The following DIAPH3 variants were observed in gnomAD, a reference collection of about 807,000 sequenced individuals.
The protein encoded by DIAPH3 is diaphanous related formin 3.
Under a neutral mutation model 144.3 loss-of-function variants are expected in DIAPH3, and 117 were observed. That is an observed-to-expected ratio of 0.81 (90% confidence interval 0.70 to 0.95). The LOEUF (loss-of-function observed/expected upper bound fraction) is 0.95. Ranked by LOEUF, DIAPH3 falls within the 40% of genes least tolerant of loss-of-function variation. DIAPH3 has a pLI of 0.00. For missense variants in DIAPH3, 1,421 were observed against 1,412.7 expected (o/e 1.01, Z -0.09); for synonymous variants, 519 against 488.9 (o/e 1.06, Z -0.81).
intron 14 of DIAPH3, among the ~76,000 whole-genome samples, chr13:59,978,623 C>T (rs562207746): frequency 1.3e-5 from 2 of 151,726 alleles, no homozygotes; most frequent in African/African-American, 4.8e-5. Flanking sequence ...TCCACATCCT[C>T]GCCTATAAAA....
chr13:59,725,840 A>G (rs1391963825), intron 27 of DIAPH3, among the ~76,000 whole-genome samples: 7 of 152,232 alleles, frequency 4.6e-5, no homozygotes, highest in African/African-American at 1.7e-4. Context: ...AATTATTGCT[A>G]GAACACGAAT....
intron 24 of DIAPH3, among the ~76,000 whole-genome samples, chr13:59,826,215 C>G (rs1052455855): frequency 7.1e-6 from 1 of 140,804 alleles, no homozygotes; most frequent in Admixed American, 7.4e-5. Flanking sequence ...AAAGGGTATT[C>G]AATTAGGAAA....
At chr13:59,684,796 T>C (rs886848751) in intron 27 of DIAPH3, among the ~76,000 whole-genome samples, 12 of 152,294 alleles carry the variant, frequency 7.9e-5, no homozygotes, top group African/African-American at 2.9e-4. Flanking sequence ...GAAAGAACTT[T>C]CATTTCTAAG....
At chr13:59,918,950 A>C (rs763775743) in intron 18 of DIAPH3, among the ~76,000 whole-genome samples, 2,274 of 151,818 alleles carry the variant, frequency 0.015, 34 homozygotes, top group Middle Eastern at 0.027. Flanking sequence ...AATACAAAAA[A>C]AAAAAAAAAA....
intron 25 of DIAPH3, among the ~76,000 whole-genome samples, chr13:59,779,095 C>A (rs544551718): frequency 6.6e-6 from 1 of 152,302 alleles, no homozygotes; most frequent in Non-Finnish European, 1.5e-5. Flanking sequence ...TACAAACATT[C>A]TTTCTCTCGT....
At chr13:59,784,585 C>G (rs1266915478) in intron 25 of DIAPH3, among the ~76,000 whole-genome samples, 2 of 151,094 alleles carry the variant, frequency 1.3e-5, no homozygotes, top group African/African-American at 4.9e-5. Context: ...CCACGTTGCC[C>G]AGGCTGGTCT....
intron 17 of DIAPH3, among the ~76,000 whole-genome samples, chr13:59,935,361 G>C (rs2048215158): frequency 6.6e-6 from 1 of 152,102 alleles, no homozygotes; most frequent in African/African-American, 2.4e-5. Flanking sequence ...CTTTGCTTTG[G>C]ATAGGGTTCA....
At chr13:59,847,804 T>C (rs1055211223) in intron 22 of DIAPH3, among the ~76,000 whole-genome samples, 3 of 152,148 alleles carry the variant, frequency 2.0e-5, no homozygotes, top group African/African-American at 4.8e-5. Flanking sequence ...AATTCCAAGA[T>C]TGTGTATTAG....
At chr13:59,763,293 T>G (rs1335352641) in intron 27 of DIAPH3, among the ~76,000 whole-genome samples, 3 of 130,972 alleles carry the variant, frequency 2.3e-5, no homozygotes, top group Non-Finnish European at 4.9e-5. Context: ...TATTCACATA[T>G]ATGTATATAC....
intron 3 of DIAPH3, among the ~76,000 whole-genome samples, chr13:60,099,538 G>A (rs759844053): frequency 6.6e-5 from 10 of 152,096 alleles, no homozygotes; most frequent in Non-Finnish European, 1.2e-4. Context: ...GTGTCAAACT[G>A]CATATAGCTA....
At chr13:59,925,580 G>C (rs764466248) in intron 17 of DIAPH3, among the ~76,000 whole-genome samples, 2 of 152,120 alleles carry the variant, frequency 1.3e-5, no homozygotes, top group Admixed American at 1.3e-4. Context: ...CATGAGTTAG[G>C]AAGAATTCTC....
intron 27 of DIAPH3, among the ~76,000 whole-genome samples, chr13:59,757,960 C>T (rs1006330865): frequency 2.0e-5 from 3 of 152,150 alleles, no homozygotes; most frequent in Non-Finnish European, 4.4e-5. Flanking sequence ...AAATAACACA[C>T]AGGACAGACT....
chr13:60,113,917 T>C (rs1484551154), intron 2 of DIAPH3, among the ~76,000 whole-genome samples: 1 of 152,170 alleles, frequency 6.6e-6, no homozygotes, highest in African/African-American at 2.4e-5. Context: ...CTTCACCAAC[T>C]GAATGCGGTA....
intron 17 of DIAPH3, among the ~76,000 whole-genome samples, chr13:59,940,192 T>G (rs1274551913): frequency 6.6e-6 from 1 of 152,160 alleles, no homozygotes; most frequent in Non-Finnish European, 1.5e-5. Flanking sequence ...TTAATGGGAA[T>G]GCAGTGGCTT....
chr13:60,106,082 C>G (rs2058411118), intron 3 of DIAPH3, among the ~76,000 whole-genome samples: 1 of 152,140 alleles, frequency 6.6e-6, no homozygotes, highest in South Asian at 2.1e-4. Flanking sequence ...CTCCCCACCT[C>G]TATACCAAAA....
chr13:60,151,120 G>A (rs943787019), intron 1 of DIAPH3, among the ~76,000 whole-genome samples: 2 of 151,788 alleles, frequency 1.3e-5, no homozygotes, highest in African/African-American at 4.8e-5. Flanking sequence ...GAGGATAAAG[G>A]AAGTAGGAAG....
chr13:59,870,633 T>G (rs2044200260), intron 21 of DIAPH3, among the ~76,000 whole-genome samples: 1 of 151,514 alleles, frequency 6.6e-6, no homozygotes, highest in Non-Finnish European at 1.5e-5. Context: ...CTTTATTAGA[T>G]CTTCTTTGAT....
At chr13:59,953,036 T>C (rs1330331350) in intron 17 of DIAPH3, among the ~76,000 whole-genome samples, 2 of 152,016 alleles carry the variant, frequency 1.3e-5, no homozygotes, top group Admixed American at 6.6e-5. Context: ...ATAAATGACA[T>C]GAAAACTACA....
At chr13:59,736,403 C>T (rs1317903324) in intron 27 of DIAPH3, among the ~76,000 whole-genome samples, 2 of 152,160 alleles carry the variant, frequency 1.3e-5, no homozygotes, top group African/African-American at 4.8e-5. Context: ...TACACTTCCA[C>T]CAGCTGTGTA....
Sources: allele counts gnomAD v4.1 joint callset (sites outside exome capture counted in the v4.1 genomes callset), GRCh38; gene constraint gnomAD v4.1.1; transcripts MANE v1.5; gene names NCBI Gene and HGNC (gene_info 2026-07-23, HGNC 2026-07-21).